SEC24A: variants seen among roughly 807,000 people sequenced by gnomAD.
SEC24A encodes the protein protein transport protein Sec24A.
Under a neutral mutation model 129.4 loss-of-function variants are expected in SEC24A, and 93 were observed. That is an observed-to-expected ratio of 0.72 (90% CI 0.61 to 0.85). The LOEUF is 0.85. SEC24A is among the 40% of genes least tolerant of loss of function. The pLI, the probability that SEC24A is intolerant of heterozygous loss-of-function variation, is 0.00. For missense variants in SEC24A, 1,264 were observed against 1,307.4 expected (o/e 0.97, Z 0.51); for synonymous variants, 460 against 467.3 (o/e 0.98, Z 0.20).
At chr5:134,680,359 G>A (rs1458345538) in intron 8 of SEC24A, among the ~76,000 whole-genome samples, 2 of 152,148 alleles carry the variant, frequency 1.3e-5, no homozygotes, top group Admixed American at 6.6e-5. Flanking sequence ...TTGAGATGGA[G>A]TCTCACTCTG....
chr5:134,695,391 C>A (rs1314097716), intron 13 of SEC24A, among the ~76,000 whole-genome samples: 1 of 152,058 alleles, frequency 6.6e-6, no homozygotes, highest in Non-Finnish European at 1.5e-5. Context: ...GTGGTTCATG[C>A]CTGTAAGACC....
chr5:134,683,764 A>G (rs1449507312), intron 9 of SEC24A, among the ~76,000 whole-genome samples: 4 of 152,206 alleles, frequency 2.6e-5, no homozygotes, highest in African/African-American at 7.2e-5. Context: ...AGCACTTTAC[A>G]TTTTATAAAG....
Position 134,675,206 on chromosome 5 carries a change from C to G in SEC24A, c.1140C>G (p.Asn380Lys), listed in dbSNP as rs1275158755. 1 of 1,610,412 alleles carries G rather than the reference C, an allele frequency of 6.2e-7. No homozygotes were observed. Among genetic ancestry groups the G allele is most frequent in the Non-Finnish European group, 8.5e-7 (1 of 1,177,440 alleles). The change falls in exon 6 of 23, where the codon AAC (asparagine) becomes AAG (lysine). Residue 380 changes from asparagine (N) to lysine (K), a missense_variant. Physicochemically the swap from Asn to Lys is moderately conservative, Grantham distance 94 (BLOSUM62 0). Coordinates refer to ENST00000398844, the MANE Select transcript of SEC24A (RefSeq NM_021982.3). ...PNLHEDIQKLNCNPELFRCTL... is the reference protein window; with the variant it reads ...PNLHEDIQKLKCNPELFRCTL... ...TGCATGAAGACATCCAGAAACTCAA[C>G]TGTAACCCAGAGTAAGGCTTCAGAT... is the stretch of plus-strand genomic sequence containing the variant.
chr5:134,673,202 C>T (rs1278057956), intron 4 of SEC24A, among the ~76,000 whole-genome samples: 1 of 151,660 alleles, frequency 6.6e-6, no homozygotes, highest in African/African-American at 2.4e-5. Flanking sequence ...ATTACAGGCA[C>T]GTGCCACCAC....
Position 134,687,911 on chromosome 5 carries a change from G to A in SEC24A, c.1605-270G>A, listed in dbSNP as rs112192605. On this transcript the variant is annotated intron_variant, in intron 10 of 22. Transcript: ENST00000398844. ...GTATTTTTAACATACTGTTTCCTAA[G>A]TGATTATATGTAGCTTTACATAGCT... Among the ~76,000 whole-genome samples the A allele has an allele frequency of 3.7e-3, 559 of 152,144 alleles. 3 individuals are homozygous for A. The highest frequency in any genetic ancestry group is 0.013 in the African/African-American group (535 of 41,492).
At chr5:134,696,446 A>T (rs1295857300) in intron 13 of SEC24A, among the ~76,000 whole-genome samples, 2 of 152,110 alleles carry the variant, frequency 1.3e-5, no homozygotes, top group African/African-American at 4.8e-5. Flanking sequence ...ATTATAGTAG[A>T]TATATTTCTT....
chr5:134,704,175 T>G (rs1752086073), intron 16 of SEC24A, among the ~76,000 whole-genome samples: 1 of 152,104 alleles, frequency 6.6e-6, no homozygotes, highest in Non-Finnish European at 1.5e-5. Flanking sequence ...GTTCAAGTGA[T>G]TCTCCTGCCT....
chr5:134,701,591 A>G (rs1016930171), intron 15 of SEC24A, among the ~76,000 whole-genome samples: 2 of 151,624 alleles, frequency 1.3e-5, no homozygotes, highest in Non-Finnish European at 2.9e-5. Flanking sequence ...GCTCACTGCA[A>G]CCTTCGCCTC....
At chr5:134,677,318 A>T (rs2150084458) in intron 7 of SEC24A, among the ~76,000 whole-genome samples, 1 of 152,166 alleles carries the variant, frequency 6.6e-6, no homozygotes, top group East Asian at 1.9e-4. Flanking sequence ...TCCAAAAAGA[A>T]AAGTTATTTC....
At chr5:134,693,674 G>A in intron 12 of SEC24A, 53 bp from the exon 13 acceptor site, 2 of 1,594,994 alleles carry the variant, frequency 1.3e-6, no homozygotes, top group Non-Finnish European at 1.7e-6. Flanking sequence ...CTGACTTAAT[G>A]TGAAATAAAA....
chr5:134,655,546 G>A (rs1750214078), intron 1 of SEC24A, among the ~76,000 whole-genome samples: 1 of 151,032 alleles, frequency 6.6e-6, no homozygotes, highest in Non-Finnish European at 1.5e-5. Context: ...CTACTCAGGA[G>A]GCCTCAGCCT....
At chr5:134,683,676 G>A (rs952221750) in intron 9 of SEC24A, among the ~76,000 whole-genome samples, 3 of 152,134 alleles carry the variant, frequency 2.0e-5, no homozygotes, top group Non-Finnish European at 4.4e-5. Context: ...ACCATGCCCT[G>A]CTAATTTTTT....
At chr5:134,687,790 T>G (rs947112713) in intron 10 of SEC24A, among the ~76,000 whole-genome samples, 1 of 152,246 alleles carries the variant, frequency 6.6e-6, no homozygotes, top group African/African-American at 2.4e-5. Flanking sequence ...GCTTTTGCTT[T>G]TCTTTGTTCT....
intron 15 of SEC24A, among the ~76,000 whole-genome samples, chr5:134,700,095 A>AT (rs1489555778): frequency 6.6e-6 from 1 of 151,782 alleles, no homozygotes; most frequent in African/African-American, 2.4e-5. Context: ...TGCTGCACAA[A>AT]TTGAGTTTTT....
At chr5:134,685,366 TAA>T (rs765501527) in intron 9 of SEC24A, among the ~76,000 whole-genome samples, 1 of 138,574 alleles carries the variant, frequency 7.2e-6, no homozygotes, top group African/African-American at 2.6e-5. Context: ...ACCTTCTCTC[TAA>T]AAAAAAAAAA....
In SEC24A at chr5:134,693,918, C is replaced by T; in HGVS notation, c.1971C>T (p.His657=). Residue 657 remains histidine (H), a synonymous_variant, in exon 13 of 23, where the codon CAC becomes CAT. Coordinates refer to ENST00000398844, the MANE Select transcript of SEC24A (RefSeq NM_021982.3). ...TGAAACCACGAGAGGAACCAAACCA[C>T]AGGTCATCTGCTAAGGTTAGAGAGT... is the stretch of plus-strand genomic sequence containing the variant. The part of the protein sequence containing the change: ...GALKPREEPN[H]RSSAKDIHMT... The T allele has an allele frequency of 6.2e-7, 1 of 1,613,980 alleles. No individual in the cohort carries two copies. Among genetic ancestry groups the T allele is most frequent in the East Asian group, 2.2e-5 (1 of 44,876 alleles).
Position 134,705,336 on chromosome 5 carries a change from G to T in SEC24A, c.2450G>T (p.Arg817Ile), listed in dbSNP as rs1752129696. 1 of 1,612,440 alleles carries T rather than the reference G, an allele frequency of 6.2e-7. No individual in the cohort carries two copies. Among genetic ancestry groups the T allele is most frequent in the Admixed American group, 1.7e-5 (1 of 59,848 alleles). ...LLYTSSKGER[R>I]IRVHTLCLPV... ...TGTATTTTCCCCAAAGGCGAAAGAA[G>T]AATTCGTGTTCATACTTTGTGTTTG... is the stretch of plus-strand genomic sequence containing the variant. Residue 817 changes from arginine to isoleucine, a missense_variant, in exon 17 of 23, where the codon AGA becomes ATA. Physicochemically the swap from Arg to Ile is moderately conservative, Grantham distance 97. Coordinates refer to ENST00000398844, the MANE Select transcript of SEC24A (RefSeq NM_021982.3).
In SEC24A at chr5:134,686,781, T is replaced by C. The variant is rs757451844; in HGVS notation, c.1492-9T>C. 2 of 1,547,402 alleles carry C rather than the reference T, an allele frequency of 1.3e-6. No individual in the cohort carries two copies. Among genetic ancestry groups the C allele is most frequent in the Admixed American group, 3.8e-5 (2 of 53,200 alleles). On this transcript the variant is annotated splice_polypyrimidine_tract_variant and intron_variant, in intron 9 of 22. Coordinates refer to ENST00000398844, the MANE Select transcript of SEC24A (RefSeq NM_021982.3). ...TTAAATGTACTTAACAAGATCTTTT[T>C]TTCTTCAGTTACGACCACCTCAGCC...
At chr5:134,706,341 C>T (rs185307711) in intron 17 of SEC24A, among the ~76,000 whole-genome samples, 1 of 152,276 alleles carries the variant, frequency 6.6e-6, no homozygotes, top group East Asian at 1.9e-4. Context: ...ATCATGTGAG[C>T]CAATAGGAAA....
Sources: allele counts gnomAD v4.1 joint callset (sites outside exome capture counted in the v4.1 genomes callset), GRCh38; gene constraint gnomAD v4.1.1; transcripts MANE v1.5; gene names NCBI Gene and HGNC (gene_info 2026-07-23, HGNC 2026-07-21).